Variants in HSPA12A observed in about 807,000 individuals in gnomAD.
HSPA12A encodes heat shock 70 kDa protein 12A.
In HSPA12A, 28 loss-of-function variants were observed where a neutral mutation model predicts 69.2. The ratio of observed to expected loss-of-function variants is 0.40; its 90% CI spans 0.30 to 0.55. HSPA12A has a LOEUF of 0.55. Among genes scored for constraint, HSPA12A ranks in the 20% least tolerant of loss-of-function variants. HSPA12A has a pLI of 0.38. For missense variants in HSPA12A, 686 were observed against 900.7 expected, an observed-to-expected ratio of 0.76 and a Z score of 3.05; for synonymous variants, 345 against 370.5, an observed-to-expected ratio of 0.93 and a Z score of 0.79.
At chr10:116,712,437 G>A (rs1489773264) in intron 1 of HSPA12A, among the ~76,000 whole-genome samples, 1 of 152,174 alleles carries the variant, frequency 6.6e-6, no homozygotes, top group Non-Finnish European at 1.5e-5. Context: ...AGGCAATTGA[G>A]GAGGAACTAG....
At chr10:116,823,879 A>G (rs187546335) in intron 2 of HSPA12A, among the ~76,000 whole-genome samples, 13 of 152,326 alleles carry the variant, frequency 8.5e-5, no homozygotes, top group Non-Finnish European at 1.6e-4. Flanking sequence ...CCAAAACCAC[A>G]TGCAACAAGA....
intron 2 of HSPA12A, among the ~76,000 whole-genome samples, chr10:116,812,915 G>A (rs1028509910): frequency 3.2e-4 from 49 of 152,122 alleles, no homozygotes; most frequent in Non-Finnish European, 6.2e-4. Context: ...CAGAAAAGAC[G>A]GAACAACACA....
At chr10:116,692,260 G>T (rs1200927939) in intron 6 of HSPA12A, 91 bp downstream of exon 6, 2 of 933,756 alleles carry the variant, frequency 2.1e-6, no homozygotes, top group African/African-American at 3.3e-5. Context: ...GCCAGTGAAT[G>T]TGGGAGGTAC....
chr10:116,691,146 G>A (rs942040943), intron 6 of HSPA12A, among the ~76,000 whole-genome samples: 1 of 152,114 alleles, frequency 6.6e-6, no homozygotes, highest in Admixed American at 6.5e-5. Context: ...TCTATTTTTG[G>A]CAGGTACATA....
chr10:116,695,354 G>C (rs1029741326), intron 5 of HSPA12A, among the ~76,000 whole-genome samples: 1 of 152,174 alleles, frequency 6.6e-6, no homozygotes, highest in Admixed American at 6.5e-5. Flanking sequence ...TATGTCATGA[G>C]AGCTCCGGTC....
intron 9 of HSPA12A, among the ~76,000 whole-genome samples, chr10:116,680,502 T>G (rs1245790475): frequency 1.3e-5 from 2 of 152,154 alleles, no homozygotes; most frequent in East Asian, 3.9e-4. Flanking sequence ...TTAGCAATCT[T>G]TTTTTGAGAG....
chr10:116,803,189 G>A (rs1844996088), intron 2 of HSPA12A, among the ~76,000 whole-genome samples: 1 of 152,266 alleles, frequency 6.6e-6, no homozygotes, highest in South Asian at 2.1e-4. Flanking sequence ...TATGCTGTGT[G>A]CAAAACATAG....
intron 1 of HSPA12A, among the ~76,000 whole-genome samples, chr10:116,722,193 T>C (rs1850803039): frequency 6.6e-6 from 1 of 152,164 alleles, no homozygotes; most frequent in Non-Finnish European, 1.5e-5. Flanking sequence ...TCAGCGGCCA[T>C]CTCCTCTGCA....
intron 1 of HSPA12A, among the ~76,000 whole-genome samples, chr10:116,715,962 A>G (rs782570662): frequency 2.0e-5 from 3 of 152,180 alleles, no homozygotes; most frequent in Non-Finnish European, 4.4e-5. Flanking sequence ...TAGCCCTTAG[A>G]GCAGTCAGAA....
chr10:116,707,430 C>A, intron 1 of HSPA12A, 145 bp from the exon 2 acceptor site: 1 of 652,918 alleles, frequency 1.5e-6, no homozygotes, highest in Admixed American at 2.7e-5. Context: ...CAGCCCCAGC[C>A]AGGAAGGCAG....
At chr10:116,838,571 G>A (rs1328585285) in intron 1 of HSPA12A, among the ~76,000 whole-genome samples, 2 of 152,158 alleles carry the variant, frequency 1.3e-5, no homozygotes, top group Non-Finnish European at 1.5e-5. Flanking sequence ...TGATGCAAGA[G>A]GTCTGCCTAG....
intron 2 of HSPA12A, among the ~76,000 whole-genome samples, chr10:116,788,034 T>C (rs1050252314): frequency 4.6e-5 from 7 of 152,124 alleles, no homozygotes; most frequent in Admixed American, 3.9e-4. Flanking sequence ...CCCTCCCTCG[T>C]GCCACCTCCA....
intron 5 of HSPA12A, among the ~76,000 whole-genome samples, chr10:116,694,732 C>G (rs1849836395): frequency 6.6e-6 from 1 of 152,214 alleles, no homozygotes; most frequent in Admixed American, 6.5e-5. Flanking sequence ...ACAGACACAT[C>G]CTCACGTGGC....
chr10:116,847,980 T>C (rs1564839645), intron 1 of HSPA12A, among the ~76,000 whole-genome samples: 1 of 152,172 alleles, frequency 6.6e-6, no homozygotes, highest in Non-Finnish European at 1.5e-5. Context: ...TTCTTTGATG[T>C]GGGACTCAAC....
intron 6 of HSPA12A, among the ~76,000 whole-genome samples, chr10:116,689,372 T>C (rs924106688): frequency 3.9e-5 from 6 of 152,088 alleles, no homozygotes; most frequent in Admixed American, 2.0e-4. Context: ...TACCTCATCC[T>C]TCCAGCTCTC....
rs931630327 is a variant in HSPA12A at position 116,835,005 on chromosome 10, C to A, written c.21G>T (p.Val7=). ...TTGCTTTACACCCACAGAATCCGTACACGCCAACACTCTCCATCTGTAGGA... is the reference window on the plus strand; with the variant it reads ...TTGCTTTACACCCACAGAATCCGTAAACGCCAACACTCTCCATCTGTAGGA... The change falls in exon 2 of 13, where the codon GTG becomes GTT. Residue 7 remains valine, a synonymous_variant. Coordinates refer to the HSPA12A transcript ENST00000635765. 5 of 1,231,236 alleles carry A rather than the reference C, an allele frequency of 4.1e-6. No homozygotes were observed. The African/African-American group carries it at 7.8e-5, about 19-fold the overall frequency. 76.3% of individuals were successfully genotyped at this position (1,231,236 alleles called of 1,614,324 possible).
chr10:116,802,170 T>C (rs1207500882), intron 2 of HSPA12A, among the ~76,000 whole-genome samples: 1 of 152,166 alleles, frequency 6.6e-6, no homozygotes, highest in African/African-American at 2.4e-5. Flanking sequence ...CAAGTGTATA[T>C]GGGGTGTTCT....
At chr10:116,820,946 C>G (rs1018501551) in intron 2 of HSPA12A, among the ~76,000 whole-genome samples, 1 of 152,056 alleles carries the variant, frequency 6.6e-6, no homozygotes, top group Non-Finnish European at 1.5e-5. Context: ...CATCCTTACT[C>G]CTCTCTTTTT....
At chr10:116,848,572 C>T (rs1433835694) in intron 1 of HSPA12A, among the ~76,000 whole-genome samples, 2 of 152,174 alleles carry the variant, frequency 1.3e-5, no homozygotes, top group Non-Finnish European at 2.9e-5. Context: ...GGAACAAGAA[C>T]ACCCTGTCCG....
Sources: gnomAD v4.1 joint callset for allele counts (sites outside exome capture counted in the v4.1 genomes callset) on GRCh38, gnomAD v4.1.1 for gene constraint, MANE v1.5 for transcripts, NCBI Gene and HGNC (gene_info 2026-07-23, HGNC 2026-07-21) for gene names.